TENM3: variants seen among roughly 807,000 people sequenced by gnomAD.
TENM3 encodes teneurin transmembrane protein 3.
TENM3 carries 63 observed loss-of-function variants against 255.1 expected under a neutral mutation model. The ratio of observed to expected loss-of-function variants is 0.25; its 90% CI spans 0.20 to 0.30. TENM3 has a LOEUF of 0.30. Ranked by LOEUF, TENM3 falls within the 10% of genes least tolerant of loss-of-function variation. The probability of loss-of-function intolerance (pLI) is 1.00; values close to 1 mark genes in which losing one functional copy is unlikely to be tolerated. For missense variants in TENM3, 2,929 were observed against 3,461.1 expected (o/e 0.85, Z 3.86); for synonymous variants, 1,306 against 1,322.3 (o/e 0.99, Z 0.27).
chr4:181,963,579 T>C, the TENM3 span, among the ~76,000 whole-genome samples: 11 of 152,148 alleles, frequency 7.2e-5, no homozygotes, highest in East Asian at 7.7e-4. Context: ...TCAGAGGGAA[T>C]TGGAATTTTT....
intron 1 of TENM3, among the ~76,000 whole-genome samples, chr4:182,314,154 A>G (rs1016060829): frequency 2.0e-5 from 3 of 152,138 alleles, no homozygotes; most frequent in Non-Finnish European, 4.4e-5. Flanking sequence ...CAAAAAAATT[A>G]GCCGGGCGCT....
chr4:182,456,203 G>C (rs963499395), intron 3 of TENM3, among the ~76,000 whole-genome samples: 2 of 152,180 alleles, frequency 1.3e-5, no homozygotes, highest in African/African-American at 4.8e-5. Flanking sequence ...AGCTGATAAG[G>C]CTGAGTATCC....
At chr4:181,930,161 ATAAG>A in the TENM3 span, among the ~76,000 whole-genome samples, 1 of 152,210 alleles carries the variant, frequency 6.6e-6, no homozygotes, top group Admixed American at 6.5e-5. Flanking sequence ...AAAACAAGAA[ATAAG>A]TAAGATCAGA....
At chr4:181,754,519 A>C in the TENM3 span, among the ~76,000 whole-genome samples, 1 of 152,334 alleles carries the variant, frequency 6.6e-6, no homozygotes, top group South Asian at 2.1e-4. Context: ...GGTCTTCAAA[A>C]GATGGGTAAT....
chr4:181,862,545 T>A, the TENM3 span, among the ~76,000 whole-genome samples: 7 of 152,244 alleles, frequency 4.6e-5, no homozygotes, highest in South Asian at 1.5e-3. Context: ...TCAAGCTTTG[T>A]CACAGAGCCA....
chr4:181,513,006 T>C, the TENM3 span, among the ~76,000 whole-genome samples: 32,008 of 152,204 alleles, frequency 0.21, 4,225 homozygotes, highest in Non-Finnish European at 0.3. Flanking sequence ...GCAAGGGTAT[T>C]TGAATGCATT....
the TENM3 span, among the ~76,000 whole-genome samples, chr4:182,055,117 C>T: frequency 6.6e-6 from 1 of 152,104 alleles, no homozygotes; most frequent in Non-Finnish European, 1.5e-5. Flanking sequence ...GAGGCCAAGG[C>T]GGGCAGATCG....
chr4:181,653,700 C>CTT, the TENM3 span, among the ~76,000 whole-genome samples: 132 of 137,270 alleles, frequency 9.6e-4, no homozygotes, highest in East Asian at 0.011. Context: ...ATAAGACCAG[C>CTT]TTTTTTTTTT....
In TENM3 at chr4:182,441,352, A is replaced by G. The variant is rs189373707; in HGVS notation, c.511+94423A>G. ...GACAGACAGACAGAAAGAGAAAAAG[A>G]AAACAATAATTACAGAATAGTGTGA... On this transcript the variant is annotated intron_variant, in intron 3 of 27. Transcript: ENST00000511685. 1.2e-4 allele frequency among the ~76,000 whole-genome samples: 19 copies of G among 152,332 alleles called. 1 individual carries two copies.
intron 5 of TENM3, chr4:182,631,477 G>T (rs543599069): frequency 6.6e-6 from 1 of 152,022 alleles, no homozygotes; most frequent in East Asian, 1.9e-4. Flanking sequence ...TCATCAGTTC[G>T]CATGGTAAAT....
chr4:181,535,117 C>A, the TENM3 span, among the ~76,000 whole-genome samples: 1 of 152,238 alleles, frequency 6.6e-6, no homozygotes, highest in South Asian at 2.1e-4. Flanking sequence ...CAAAAAGAGT[C>A]TCCGGATGTC....
intron 3 of TENM3, among the ~76,000 whole-genome samples, chr4:182,353,326 T>C (rs1218151985): frequency 1.3e-5 from 2 of 152,188 alleles, no homozygotes; most frequent in East Asian, 3.9e-4. Context: ...AACTATAGCT[T>C]GAATATAAAT....
the TENM3 span, among the ~76,000 whole-genome samples, chr4:181,545,704 G>A: frequency 6.6e-6 from 1 of 152,060 alleles, no homozygotes; most frequent in African/African-American, 2.4e-5. Context: ...TACCAAATAT[G>A]TTTAAAATTA....
the TENM3 span, among the ~76,000 whole-genome samples, chr4:181,672,179 G>T: frequency 6.6e-6 from 1 of 152,038 alleles, no homozygotes; most frequent in Non-Finnish European, 1.5e-5. Context: ...CTGCCACAAG[G>T]CTCCAGTGTC....
At chr4:181,563,800 A>G in the TENM3 span, among the ~76,000 whole-genome samples, 1 of 152,186 alleles carries the variant, frequency 6.6e-6, no homozygotes, top group Non-Finnish European at 1.5e-5. Flanking sequence ...CAAGTGAGAT[A>G]TGTGTAGCAT....
At chr4:181,876,567 T>A in the TENM3 span, among the ~76,000 whole-genome samples, 1 of 152,166 alleles carries the variant, frequency 6.6e-6, no homozygotes, top group African/African-American at 2.4e-5. Context: ...TACATAACGG[T>A]TGCAAATGTG....
At chr4:181,640,777 C>G in the TENM3 span, among the ~76,000 whole-genome samples, 1 of 152,324 alleles carries the variant, frequency 6.6e-6, no homozygotes, top group Admixed American at 6.5e-5. Flanking sequence ...GCTCTGGCTT[C>G]CCCTCTACCA....
chr4:181,603,470 A>C, the TENM3 span, among the ~76,000 whole-genome samples: 1 of 152,162 alleles, frequency 6.6e-6, no homozygotes, highest in Non-Finnish European at 1.5e-5. Context: ...AGAAAGAAAG[A>C]CAACAATACC....
intron 22 of TENM3, among the ~76,000 whole-genome samples, chr4:182,761,877 A>C (rs1475158512): frequency 6.6e-6 from 1 of 152,166 alleles, no homozygotes; most frequent in African/African-American, 2.4e-5. Context: ...TAAATTATTA[A>C]CCAAAACGTG....
Sources: allele counts gnomAD v4.1 joint callset (sites outside exome capture counted in the v4.1 genomes callset), GRCh38; gene constraint gnomAD v4.1.1; transcripts MANE v1.5; gene names NCBI Gene and HGNC (gene_info 2026-07-23, HGNC 2026-07-21).